Variants in CHCHD2 observed in about 807,000 individuals in gnomAD.
CHCHD2 encodes the protein coiled-coil-helix-coiled-coil-helix domain-containing protein 2.
CHCHD2 carries 17 observed loss-of-function variants against 17.5 expected under a neutral mutation model. That is an observed-to-expected ratio of 0.97 (90% CI 0.67 to 1.46). CHCHD2 has a LOEUF of 1.46. CHCHD2 is among the 40% of genes most tolerant of loss of function. The probability of loss-of-function intolerance (pLI) is 0.00; values close to 1 mark genes in which losing one functional copy is unlikely to be tolerated. For missense variants in CHCHD2, 175 were observed against 199.9 expected (o/e 0.88, Z 0.75); for synonymous variants, 63 against 74.3 (o/e 0.85, Z 0.78).
chr7:56,104,748 C>T (rs1785353206), intron 1 of CHCHD2, among the ~76,000 whole-genome samples: 1 of 151,934 alleles, frequency 6.6e-6, no homozygotes, highest in Admixed American at 6.6e-5. Context: ...GCTGGGATTA[C>T]AGGCACCCGC....
At chr7:56,102,348 C>CTT (rs57427081) in intron 3 of CHCHD2, among the ~76,000 whole-genome samples, 93 of 145,056 alleles carry the variant, frequency 6.4e-4, no homozygotes, top group South Asian at 1.1e-3. Context: ...TTTATACCTT[C>CTT]TTTTTTTTTT....
chr7:56,102,193 T>C (rs975797952), intron 3 of CHCHD2, among the ~76,000 whole-genome samples: 5 of 152,114 alleles, frequency 3.3e-5, no homozygotes, highest in African/African-American at 1.2e-4. Flanking sequence ...TTAACTCCTT[T>C]CACTCAATGA....
Position 56,101,834 on chromosome 7 carries a change from C to T in CHCHD2, c.*17G>A, listed in dbSNP as rs1271705328. ...TATGAGAGCTGATTTTCCATCTCTC[C>T]AGGTTGAACTTCTTCATTAGGCCAA... On this transcript the variant is annotated 3_prime_UTR_variant, in exon 4 of 4. Transcript: ENST00000395422. The T allele has an allele frequency of 2.5e-6, 4 of 1,610,566 alleles. No homozygotes were observed. The highest frequency in any genetic ancestry group is 2.5e-6 in the Non-Finnish European group (3 of 1,177,634).
intron 3 of CHCHD2, 139 bp downstream of exon 3, chr7:56,102,728 G>T: frequency 1.2e-6 from 1 of 869,304 alleles, no homozygotes; most frequent in Non-Finnish European, 1.8e-6. Context: ...GAAACCTCCG[G>T]CCCAGTTGTT....
In CHCHD2 at chr7:56,101,675, C is replaced by G; in HGVS notation, c.*176G>C. 1 of 582,366 alleles carries G rather than the reference C, an allele frequency of 1.7e-6. No homozygotes were observed. The allele number at this position is 582,366 out of a possible 1,614,324, so 36.1% of individuals were successfully genotyped here. ...ACAAACATTTGCCCAGTCCCAGATT[C>G]TACAGAGTAGGGACACCCCCACTTC... On this transcript the variant is annotated 3_prime_UTR_variant, in exon 4 of 4. Transcript: ENST00000395422.
chr7:56,104,711 G>C (rs1465090676), intron 1 of CHCHD2, among the ~76,000 whole-genome samples: 2 of 151,690 alleles, frequency 1.3e-5, no homozygotes, highest in African/African-American at 4.8e-5. Flanking sequence ...AGACTCAAGC[G>C]ATTCTCTTGC....
rs1359612473 is a variant in CHCHD2, at chr7:56,101,879, TAA to T, written c.446-20_446-19del. ...GGCCAATCCTGCAAACAGAAAAGAT[TAA>T]GTTAGAAGAATGCTAGCTTCGTATA... On this transcript the variant is annotated intron_variant, in intron 3 of 3. Coordinates refer to ENST00000395422, the MANE Select transcript of CHCHD2 (RefSeq NM_016139.4). 6.2e-7 allele frequency: 1 copy of T among 1,612,424 alleles called. No homozygotes were observed. The highest frequency in any genetic ancestry group is 8.5e-7 in the Non-Finnish European group (1 of 1,178,974).
intron 3 of CHCHD2, 98 bp downstream of exon 3, chr7:56,102,769 G>A (rs1299638416): frequency 7.7e-7 from 1 of 1,303,096 alleles, no homozygotes; most frequent in Non-Finnish European, 1.1e-6. Context: ...TTTCAACAAA[G>A]TCTTCTCTAA....
At chr7:56,102,176 A>T (rs1785296501) in intron 3 of CHCHD2, among the ~76,000 whole-genome samples, 2 of 151,962 alleles carry the variant, frequency 1.3e-5, no homozygotes, top group African/African-American at 4.8e-5. Context: ...TCCCCTGAGG[A>T]ACTTAATTAA....
intron 1 of CHCHD2, among the ~76,000 whole-genome samples, chr7:56,105,620 T>G (rs886895659): frequency 3.9e-5 from 6 of 152,128 alleles, no homozygotes; most frequent in Non-Finnish European, 8.8e-5. Context: ...TGCTAAAATA[T>G]AAAATAGAAT....
In CHCHD2 at chr7:56,102,884, T is replaced by C. The variant is rs748946492; in HGVS notation, c.428A>G (p.Gln143Arg). Residue 143 changes from glutamine (Q) to arginine (R), a missense_variant, in exon 3 of 4, where the codon CAG (glutamine) becomes CGG (arginine). Physicochemically the swap from Gln to Arg is conservative, Grantham distance 43. Coordinates refer to ENST00000395422, the MANE Select transcript of CHCHD2 (RefSeq NM_016139.4). Reference sequence around the variant, plus strand: ...TTACCTACCGTTTGCAAGTCGGCACTGTTTCAGCACCTCATTGAAACCCTC... The same window carrying C: ...TTACCTACCGTTTGCAAGTCGGCACCGTTTCAGCACCTCATTGAAACCCTC... ...LCEGFNEVLK[Q>R]CRLANGLA 1.2e-6 allele frequency: 2 copies of C among 1,614,002 alleles called. No homozygotes were observed. The highest frequency in any genetic ancestry group is 4.5e-5 in the East Asian group (2 of 44,884).
Position 56,104,436 on chromosome 7 carries a change from T to C in CHCHD2, c.90A>G (p.Pro30=). 9 of 1,609,868 alleles carry C rather than the reference T, an allele frequency of 5.6e-6. No individual in the cohort carries two copies. Among genetic ancestry groups the C allele is most frequent in the Non-Finnish European group, 7.6e-6 (9 of 1,178,582 alleles). ...GTGCCGCTGCTGGTGGCTGAGCGAC[T>C]GGTGCTGGCCTGGGTGCAGCTCTCA... ...PQMRAAPRPA[P]VAQPPAAAPP... Residue 30 remains proline (P), a synonymous_variant, in exon 2 of 4, where the codon CCA becomes CCG. Transcript: ENST00000395422.
Position 56,102,915 on chromosome 7 carries a change from G to A in CHCHD2, c.397C>T (p.Leu133Phe). Residue 133 changes from leucine (L) to phenylalanine (F), a missense_variant, in exon 3 of 4, where the codon CTC becomes TTC. Physicochemically the swap from Leu to Phe is conservative, Grantham distance 22. Coordinates refer to ENST00000395422, the MANE Select transcript of CHCHD2 (RefSeq NM_016139.4). The stretch of plus-strand genomic sequence containing the variant: ...AGCACCTCATTGAAACCCTCACAGA[G>A]CTTGATGTCACCCTGGTTCTGGGCA... ...ECAQNQGDIK[L>F]CEGFNEVLKQ... The A allele has an allele frequency of 1.2e-6, 2 of 1,614,044 alleles. No homozygotes were observed. The highest frequency in any genetic ancestry group is 1.7e-6 in the Non-Finnish European group (2 of 1,179,954).
Position 56,106,299 on chromosome 7 carries a change from T to C in CHCHD2, c.50+65A>G, listed in dbSNP as rs146485961. ...TTCACCCCCGCCCGCGGCCTCCCTC[T>C]GCGTCATTGCCCCAGTAGAGTCCGG... On this transcript the variant is annotated intron_variant, in intron 1 of 3. Coordinates refer to ENST00000395422, the MANE Select transcript of CHCHD2 (RefSeq NM_016139.4). 5.8e-4 allele frequency: 875 copies of C among 1,516,922 alleles called. 5 individuals carry two copies. The African/African-American group carries it at 0.01, about 18-fold the overall frequency. The allele number at this position is 1,516,922 out of a possible 1,614,324, so 94.0% of individuals were successfully genotyped here. A position where few individuals can be genotyped will look rare whatever the true frequency, so the allele number is the denominator to read the frequency against.
At chr7:56,105,062 C>T (rs1562888832) in intron 1 of CHCHD2, among the ~76,000 whole-genome samples, 1 of 151,916 alleles carries the variant, frequency 6.6e-6, no homozygotes, top group Non-Finnish European at 1.5e-5. Flanking sequence ...AGGCGCGCAC[C>T]ACCACACCTA....
intron 2 of CHCHD2, 61 bp from the exon 3 acceptor site, chr7:56,103,072 G>C: frequency 6.4e-7 from 1 of 1,569,504 alleles, no homozygotes; most frequent in Non-Finnish European, 8.8e-7. Flanking sequence ...CCTAGACAAT[G>C]AAGAGTATCC....
At chr7:56,101,923 C>G (rs936160912) in intron 3 of CHCHD2, 62 bp from the exon 4 acceptor site, 6 of 1,511,612 alleles carry the variant, frequency 4.0e-6, no homozygotes, top group Non-Finnish European at 5.4e-6. Context: ...AAAACAGAAG[C>G]CTTCCAAATT....
At chr7:56,103,847 A>T (rs1230016614) in intron 2 of CHCHD2, among the ~76,000 whole-genome samples, 1 of 152,240 alleles carries the variant, frequency 6.6e-6, no homozygotes, top group Admixed American at 6.5e-5. Context: ...CACACATCAG[A>T]AAGATGGGTA....
At chr7:56,103,738 G>A (rs751590154) in intron 2 of CHCHD2, among the ~76,000 whole-genome samples, 22 of 152,160 alleles carry the variant, frequency 1.4e-4, no homozygotes, top group Admixed American at 5.2e-4. Context: ...GCTTCAGGGA[G>A]GAAAAATGGT....
Sources: allele counts gnomAD v4.1 joint callset (sites outside exome capture counted in the v4.1 genomes callset), GRCh38; gene constraint gnomAD v4.1.1; transcripts MANE v1.5; gene names NCBI Gene and HGNC (gene_info 2026-07-23, HGNC 2026-07-21).